The following PTPN21 variants were observed in gnomAD, a reference collection of about 807,000 sequenced individuals.
PTPN21 encodes protein tyrosine phosphatase non-receptor type 21.
PTPN21 carries 77 observed loss-of-function variants against 131.8 expected under a neutral mutation model. The observed-to-expected ratio is 0.58, with a 90% CI of 0.49 to 0.71. PTPN21 has a LOEUF of 0.71. Ranked by LOEUF, PTPN21 falls within the 30% of genes least tolerant of loss-of-function variation. The pLI is 0.00. For missense variants in PTPN21, 1,552 were observed against 1,527.1 expected (o/e 1.02, Z -0.27); for synonymous variants, 715 against 621.3 (o/e 1.15, Z -2.24).
intron 11 of PTPN21, 102 bp downstream of exon 11, chr14:88,485,680 C>G: frequency 1.2e-6 from 1 of 858,544 alleles, no homozygotes; most frequent in Non-Finnish European, 1.9e-6. Flanking sequence ...TATCAATACA[C>G]TTTTATGGTT....
chr14:88,508,252 T>G (rs1336028485), intron 3 of PTPN21, among the ~76,000 whole-genome samples: 2 of 151,532 alleles, frequency 1.3e-5, no homozygotes, highest in Non-Finnish European at 2.9e-5. Flanking sequence ...TAAGCTTAGG[T>G]GATCCTCCCA....
At chr14:88,535,571 C>T (rs1236385021) in intron 2 of PTPN21, among the ~76,000 whole-genome samples, 3 of 152,146 alleles carry the variant, frequency 2.0e-5, no homozygotes, top group Admixed American at 1.3e-4. Context: ...AAGTTCTAAT[C>T]GTACTGATAA....
At chr14:88,520,590 C>T (rs915149607) in intron 2 of PTPN21, among the ~76,000 whole-genome samples, 5 of 152,018 alleles carry the variant, frequency 3.3e-5, no homozygotes, top group Non-Finnish European at 7.4e-5. Context: ...TTATAGAAAA[C>T]AAGTACTGTT....
At chr14:88,534,366 A>G (rs1170585439) in intron 2 of PTPN21, among the ~76,000 whole-genome samples, 1 of 151,822 alleles carries the variant, frequency 6.6e-6, no homozygotes, top group Non-Finnish European at 1.5e-5. Context: ...CTGGGCAACA[A>G]AGTAAGACTG....
chr14:88,505,976 T>C (rs1164161898), intron 4 of PTPN21, among the ~76,000 whole-genome samples: 1 of 152,182 alleles, frequency 6.6e-6, no homozygotes, highest in Non-Finnish European at 1.5e-5. Context: ...GGAGTTTTAT[T>C]AATAATTATT....
chr14:88,497,089 C>G, intron 9 of PTPN21, 114 bp downstream of exon 9: 1 of 931,426 alleles, frequency 1.1e-6, no homozygotes, highest in Non-Finnish European at 1.7e-6. Context: ...TATACAATTA[C>G]AAAATATTAT....
At position 88,468,163 on chromosome 14, in the gene PTPN21, A is replaced by T. The variant is rs2077394303; in HGVS notation, c.3499T>A (p.Phe1167Ile). ...YTFVYRVLIQ[F>I]LKSSRLI is the part of the protein sequence containing the mutation. ...TAGATGAGCCTGGAGCTTTTCAGGA[A>T]CTGGATGAGGACTCTGTACACAAAT... is the stretch of plus-strand genomic sequence containing the variant. The change falls in exon 19 of 19, where the codon TTC (phenylalanine) becomes ATC (isoleucine). Residue 1167 changes from phenylalanine (F) to isoleucine (I), a missense_variant. By Grantham distance (21) the Phe-to-Ile change is conservative. Coordinates refer to ENST00000556564, the MANE Select transcript of PTPN21 (RefSeq NM_007039.4). 6.2e-7 allele frequency: 1 copy of T among 1,613,840 alleles called. No homozygotes were observed. Among genetic ancestry groups the T allele is most frequent in the South Asian group, 1.1e-5 (1 of 91,076 alleles).
rs2078901602 is a variant in PTPN21, at chr14:88,554,640, C to G, written c.-203+11G>C. 1 of 150,206 alleles carries G rather than the reference C, an allele frequency of 6.7e-6. No homozygotes were observed. Among genetic ancestry groups the G allele is most frequent in the Admixed American group, 6.6e-5 (1 of 15,110 alleles). 9.3% of individuals were successfully genotyped at this position (150,206 alleles called of 1,614,324 possible). On this transcript the variant is annotated intron_variant, in intron 1 of 18. Coordinates refer to ENST00000556564, the MANE Select transcript of PTPN21 (RefSeq NM_007039.4). The stretch of plus-strand genomic sequence containing the variant: ...CCCGCCCCTCCCGCCGGCCGGGGAC[C>G]GCGCCCTCACCTGCTCCCGCTCCCG...
At chr14:88,514,389 G>A (rs1458363700) in intron 3 of PTPN21, among the ~76,000 whole-genome samples, 2 of 151,000 alleles carry the variant, frequency 1.3e-5, no homozygotes, top group Non-Finnish European at 2.9e-5. Flanking sequence ...GCTGCTTTAT[G>A]GTCATATTTT....
chr14:88,539,267 G>A (rs1337572250), intron 2 of PTPN21, among the ~76,000 whole-genome samples: 1 of 102,036 alleles, frequency 9.8e-6, no homozygotes, highest in African/African-American at 4.8e-5. Context: ...TTTTTTTTTT[G>A]AGACATAGTT....
At chr14:88,539,107 G>A (rs184503142) in intron 2 of PTPN21, among the ~76,000 whole-genome samples, 27 of 148,986 alleles carry the variant, frequency 1.8e-4, no homozygotes, top group Admixed American at 3.3e-4. Context: ...TTTTTGAGAT[G>A]GAGTCTCACT....
intron 8 of PTPN21, 22 bp downstream of exon 8, chr14:88,500,760 AC>A: frequency 2.0e-6 from 3 of 1,526,520 alleles, no homozygotes; most frequent in Non-Finnish European, 2.7e-6. Flanking sequence ...TAGAAAACAT[AC>A]AAAAAGAGGT....
Position 88,469,390 on chromosome 14 carries a change from G to A in PTPN21, c.3235+109C>T, listed in dbSNP as rs983215878. The stretch of plus-strand genomic sequence containing the variant: ...GTATTCTTTATGTTAAAACAAGTCC[G>A]AAGCTTATATGAGATAACATAAAGG... On this transcript the variant is annotated intron_variant, in intron 17 of 18. Transcript: ENST00000556564. The surrounding 1 kb of genome is among the most constrained non-coding windows in gnomAD (Gnocchi z 4.3). 18 of 1,009,982 alleles carry A rather than the reference G, an allele frequency of 1.8e-5. No individual in the cohort carries two copies. The highest frequency in any genetic ancestry group is 4.6e-5 in the Admixed American group (2 of 43,304). The allele number at this position is 1,009,982 out of a possible 1,614,324, so 62.6% of individuals were successfully genotyped here.
intron 10 of PTPN21, among the ~76,000 whole-genome samples, chr14:88,486,387 T>A (rs1381177248): frequency 6.6e-6 from 1 of 152,196 alleles, no homozygotes; most frequent in East Asian, 1.9e-4. Flanking sequence ...AATGAATTTA[T>A]GATTTTAGTG....
At chr14:88,507,655 A>G (rs988098200) in intron 4 of PTPN21, among the ~76,000 whole-genome samples, 5 of 152,196 alleles carry the variant, frequency 3.3e-5, no homozygotes, top group Non-Finnish European at 5.9e-5. Flanking sequence ...ATGTGTGTGT[A>G]TACACACATA....
chr14:88,469,538 G>A lies in PTPN21; in HGVS notation c.3196C>T (p.Pro1066Ser). 1 of 1,614,140 alleles carries A rather than the reference G, an allele frequency of 6.2e-7. No individual in the cohort carries two copies. The highest frequency in any genetic ancestry group is 8.5e-7 in the Non-Finnish European group (1 of 1,180,016). Residue 1066 changes from proline to serine, a missense_variant, in exon 17 of 19, where the codon CCT (proline) becomes TCT (serine). Around this residue, in one of 4 missense-constraint regions of PTPN21, gnomAD observed 316 missense variants for 378.5 expected, o/e 0.83. Coordinates refer to ENST00000556564, the MANE Select transcript of PTPN21 (RefSeq NM_007039.4). The surrounding 1 kb of genome is among the most constrained non-coding windows in gnomAD (Gnocchi z 4.3). ...TVWHLQYTDW[P>S]EHGCPEDLKG... ...AGGTCTTCTGGACAGCCATGTTCAGGCCAGTCTGTGTATTGGAGGTGCCAG... is the reference window on the plus strand; with the variant it reads ...AGGTCTTCTGGACAGCCATGTTCAGACCAGTCTGTGTATTGGAGGTGCCAG...
In PTPN21 at chr14:88,518,388, A is replaced by ATATATATATG. The variant is rs1167626192; in HGVS notation, c.181-1128_181-1127insCATATATATA. Among the ~76,000 whole-genome samples the ATATATATATG allele has an allele frequency of 2.7e-4, 2 of 7,452 alleles. 1 individual carries two copies. Among genetic ancestry groups the ATATATATATG allele is most frequent in the Non-Finnish European group, 6.0e-4 (2 of 3,342 alleles). The allele number at this position is 7,452 out of a possible 152,430, so 4.9% of individuals were successfully genotyped here. ...CGTGTGTGTGTATGTGTGTGTGTGT[A>ATATATATATG]TATATATATATATATATATATATAT... On this transcript the variant is annotated intron_variant, in intron 2 of 18. Transcript: ENST00000556564.
chr14:88,468,813 G>A, intron 18 of PTPN21, 103 bp downstream of exon 18: 1 of 1,456,738 alleles, frequency 6.9e-7, no homozygotes. Flanking sequence ...GGCCACCACA[G>A]TCCAAGGAAA....
rs1167071304 is a variant in PTPN21 at position 88,540,114 on chromosome 14, C to CCT, written c.180+10122_180+10123dup. ...TCAGTTGCCTGACTTAACAATAATA[C>CCT]CTCTCCAGTGATTTTTCTCCAATCC... On this transcript the variant is annotated intron_variant, in intron 2 of 18. Coordinates refer to ENST00000556564, the MANE Select transcript of PTPN21 (RefSeq NM_007039.4). Among the ~76,000 whole-genome samples, 10 of 152,240 alleles carry CCT rather than the reference C, an allele frequency of 6.6e-5. No individual in the cohort carries two copies. The East Asian group carries it at 1.9e-3, about 29-fold the overall frequency.
Sources: allele counts gnomAD v4.1 joint callset (sites outside exome capture counted in the v4.1 genomes callset), GRCh38; gene constraint gnomAD v4.1.1; regional missense constraint gnomAD v4.1.1; non-coding constraint Gnocchi (gnomAD v3.1); transcripts MANE v1.5; gene names NCBI Gene and HGNC (gene_info 2026-07-23, HGNC 2026-07-21).